Variants in KANK1 observed in about 807,000 individuals in gnomAD.
KANK1 encodes the protein KN motif and ankyrin repeat domains 1.
In KANK1, 109 loss-of-function variants were observed where a neutral mutation model predicts 106.2. The observed-to-expected ratio is 1.03, with a 90% confidence interval of 0.88 to 1.20. The LOEUF (loss-of-function observed/expected upper bound fraction) is 1.20. Ranked by LOEUF, KANK1 falls within the 50% of genes most tolerant of loss-of-function variation. The pLI, the probability that KANK1 is intolerant of heterozygous loss-of-function variation, is 0.00. For missense variants in KANK1, 2,399 were observed against 1,710.7 expected, an observed-to-expected ratio of 1.40 and a Z score of -7.10; for synonymous variants, 873 against 652.2, an observed-to-expected ratio of 1.34 and a Z score of -5.16.
intron 1 of KANK1, among the ~76,000 whole-genome samples, chr9:515,758 A>G (rs1462693731): frequency 6.6e-6 from 1 of 151,824 alleles, no homozygotes. Context: ...AAAGGGTTTT[A>G]AAAAGGGGAA....
At chr9:598,119 G>A (rs1470706814) in intron 1 of KANK1, among the ~76,000 whole-genome samples, 1 of 151,756 alleles carries the variant, frequency 6.6e-6, no homozygotes, top group Non-Finnish European at 1.5e-5. Flanking sequence ...TTGCTGAAGA[G>A]ACAGTATTTC....
intron 1 of KANK1, among the ~76,000 whole-genome samples, chr9:584,631 G>C (rs1363859619): frequency 6.6e-6 from 1 of 152,142 alleles, no homozygotes; most frequent in South Asian, 2.1e-4. Flanking sequence ...TTTGAGACTT[G>C]ATAACATAGA....
intron 3 of KANK1, among the ~76,000 whole-genome samples, chr9:497,908 C>G (rs1287331876): frequency 6.6e-6 from 1 of 152,180 alleles, no homozygotes; most frequent in Middle Eastern, 3.4e-3. Flanking sequence ...AAAATTACTT[C>G]TAGGGACCAC....
chr9:687,777 T>TAAATA (rs1318815277), intron 2 of KANK1, among the ~76,000 whole-genome samples: 2 of 152,246 alleles, frequency 1.3e-5, no homozygotes, highest in Non-Finnish European at 2.9e-5. Context: ...TTATTCCTTT[T>TAAATA]ATTCTGTTAT....
chr9:732,812 G>A (rs2131822208), intron 6 of KANK1, 195 bp downstream of exon 6: 1 of 515,728 alleles, frequency 1.9e-6, no homozygotes, highest in South Asian at 4.0e-5. Context: ...AGAATGGCCT[G>A]GTACCTAATC....
rs574296010 is a variant in KANK1, at chr9:702,572, A to G, written c.38-8232A>G. Among the ~76,000 whole-genome samples the G allele has an allele frequency of 8.5e-5, 13 of 152,296 alleles. No individual in the cohort carries two copies. In the South Asian group the frequency reaches 2.1e-3, roughly 24 times the overall value. On this transcript the variant is annotated intron_variant, in intron 2 of 11. Transcript: ENST00000382297. ...GCCTTTATTATCAATATCAATTATA[A>G]ATGTAAGTCGAATGTGTGAATAAAT...
chr9:532,379 T>TTTC (rs1445343916), intron 1 of KANK1, among the ~76,000 whole-genome samples: 1 of 148,488 alleles, frequency 6.7e-6, no homozygotes, highest in African/African-American at 2.5e-5. Flanking sequence ...TTTTTTTTTT[T>TTTC]TTTTTTTTTT....
At position 712,059 on chromosome 9, in the gene KANK1, TG is replaced by T; in HGVS notation, c.1294del (p.Glu432ArgfsTer2). 1 of 1,614,070 alleles carries T rather than the reference TG, an allele frequency of 6.2e-7. No individual in the cohort carries two copies. The highest frequency in any genetic ancestry group is 8.5e-7 in the Non-Finnish European group (1 of 1,180,014). On this transcript the variant is annotated frameshift_variant, in exon 3 of 12. Transcript: ENST00000382297. LOFTEE classifies it high-confidence loss of function. ...CKDAAVGTLV[E>X]MRNCGVSVTE... ...AGGATGCAGCTGTAGGGACACTTGT[TG>T]AGATGAGAAATTGTGGGGTCAGCGT...
chr9:731,136 T>C lies in KANK1; in HGVS notation c.2897-22T>C, dbSNP rs1432990437. The C allele has an allele frequency of 2.1e-6, 3 of 1,423,626 alleles. No individual in the cohort carries two copies. The African/African-American group carries it at 4.3e-5, about 20-fold the overall frequency. The allele number at this position is 1,423,626 out of a possible 1,614,324, so 88.2% of individuals were successfully genotyped here. A position where few individuals can be genotyped will look rare whatever the true frequency, so the allele number is the denominator to read the frequency against. Reference sequence around the variant, plus strand: ...ATGTATGGGTGTGAGTTTTCATTTTTATTGCCTTGACTTTTTCACAGCATG... The same window carrying C: ...ATGTATGGGTGTGAGTTTTCATTTTCATTGCCTTGACTTTTTCACAGCATG... On this transcript the variant is annotated intron_variant, in intron 4 of 11. Coordinates refer to ENST00000382297, the MANE Select transcript of KANK1 (RefSeq NM_015158.5).
intron 3 of KANK1, among the ~76,000 whole-genome samples, chr9:483,198 AG>A (rs1474872700): frequency 3.3e-5 from 5 of 152,156 alleles, no homozygotes; most frequent in Non-Finnish European, 5.9e-5. Context: ...TAGTATATAG[AG>A]GGTTCAGTAC....
chr9:479,874 GC>G (rs112020111), intron 3 of KANK1, among the ~76,000 whole-genome samples: 4,638 of 151,918 alleles, frequency 0.031, 174 homozygotes, highest in African/African-American at 0.087. Flanking sequence ...AAATAACTGA[GC>G]CCCCCCAGTA....
intron 1 of KANK1, among the ~76,000 whole-genome samples, chr9:532,364 C>CTTTTT (rs1187078952): frequency 9.9e-4 from 81 of 81,854 alleles, no homozygotes; most frequent in Admixed American, 1.7e-3. Flanking sequence ...GCCTCAAGCA[C>CTTTTT]TTTTTTTTTT....
At chr9:734,883 A>G (rs1250475517) in intron 7 of KANK1, 48 bp downstream of exon 7, 2 of 1,391,122 alleles carry the variant, frequency 1.4e-6, no homozygotes, top group Non-Finnish European at 2.0e-6. Context: ...AAAGTGCATG[A>G]GTGGGTTCAT....
intron 1 of KANK1, among the ~76,000 whole-genome samples, chr9:623,238 G>T (rs1196639050): frequency 2.6e-5 from 4 of 152,224 alleles, no homozygotes; most frequent in South Asian, 2.1e-4. Context: ...TGGAGGTGGG[G>T]CAAAGGACCT....
chr9:676,330 T>C (rs1490803645), intron 1 of KANK1, among the ~76,000 whole-genome samples: 2 of 152,186 alleles, frequency 1.3e-5, no homozygotes, highest in African/African-American at 2.4e-5. Flanking sequence ...AGATAATGAA[T>C]TTTTGTTTAA....
At chr9:602,752 A>G (rs1828083592) in intron 1 of KANK1, among the ~76,000 whole-genome samples, 1 of 151,908 alleles carries the variant, frequency 6.6e-6, no homozygotes, top group African/African-American at 2.4e-5. Context: ...AAAATATTTT[A>G]GATTGAAAGC....
At chr9:731,597 G>C (rs943128762) in intron 5 of KANK1, 1 of 162,922 alleles carries the variant, frequency 6.1e-6, no homozygotes, top group African/African-American at 2.4e-5. Flanking sequence ...ACTCACAATT[G>C]AGCAGAAAAA....
At chr9:521,969 A>G (rs2059574662) in intron 1 of KANK1, among the ~76,000 whole-genome samples, 1 of 151,740 alleles carries the variant, frequency 6.6e-6, no homozygotes, top group Non-Finnish European at 1.5e-5. Flanking sequence ...ATACATGGTG[A>G]TCCCTTTTGC....
rs16921572 is a variant in KANK1, at chr9:641,559, A to G, written c.-83-35331A>G. On this transcript the variant is annotated intron_variant, in intron 1 of 11. Coordinates refer to ENST00000382297, the MANE Select transcript of KANK1 (RefSeq NM_015158.5). ...TCTAAGCGTTGGGATTCCAAGGCAT[A>G]TTACCCTGTACTGAAGAAACTCGGA... Among the ~76,000 whole-genome samples, 791 of 152,324 alleles carry G rather than the reference A, an allele frequency of 5.2e-3. 5 individuals carry two copies. Among genetic ancestry groups the G allele is most frequent in the African/African-American group, 0.018 (750 of 41,570 alleles).
Sources: gnomAD v4.1 joint callset for allele counts (sites outside exome capture counted in the v4.1 genomes callset) on GRCh38, gnomAD v4.1.1 for gene constraint, MANE v1.5 for transcripts, NCBI Gene and HGNC (gene_info 2026-07-23, HGNC 2026-07-21) for gene names.